The following EVL variants were observed in gnomAD, a reference collection of about 807,000 sequenced individuals.
EVL encodes ena/VASP-like protein.
A neutral mutation model predicts 59.6 loss-of-function variants in EVL; 21 were observed. The observed-to-expected ratio is 0.35, with a 90% CI of 0.25 to 0.51. The LOEUF (loss-of-function observed/expected upper bound fraction) is 0.51. Ranked by LOEUF, EVL falls within the 20% of genes least tolerant of loss-of-function variation. EVL has a pLI of 0.97. For missense variants in EVL, 462 were observed against 546.6 expected (o/e 0.85, Z 1.54); for synonymous variants, 198 against 203.5 (o/e 0.97, Z 0.23).
chr14:100,009,997 C>G (rs1595560591), intron 1 of EVL, among the ~76,000 whole-genome samples: 1 of 152,044 alleles, frequency 6.6e-6, no homozygotes, highest in African/African-American at 2.4e-5. Context: ...AGAGGAAACT[C>G]TCAGACTTTA....
Position 100,128,669 on chromosome 14 carries a change from A to G in EVL, c.638A>G (p.Gln213Arg). ...PPPPLPAGGA[Q>R]GSSHDESSMS... is the part of the protein sequence containing the mutation. ...CCCCCACTGCCAGCCGGAGGAGCCCAGGGGTCCAGCCACGACGAGAGCTCC... is the reference window on the plus strand; with the variant it reads ...CCCCCACTGCCAGCCGGAGGAGCCCGGGGGTCCAGCCACGACGAGAGCTCC... The change falls in exon 6 of 14, where the codon CAG becomes CGG. Residue 213 changes from glutamine (Q) to arginine (R), a missense_variant. Coordinates refer to ENST00000392920, the MANE Select transcript of EVL (RefSeq NM_016337.3). 7.3e-7 allele frequency: 1 copy of G among 1,378,506 alleles called. No homozygotes were observed. The highest frequency in any genetic ancestry group is 3.9e-5 in the East Asian group (1 of 25,682). 85.4% of individuals were successfully genotyped at this position (1,378,506 alleles called of 1,614,324 possible).
chr14:100,143,833 C>G lies in EVL; in HGVS notation c.*95C>G. ...CCCCAGACTCCAGTGCACCAGAGCA[C>G]GCACAGGAGCCTGGGCGCGCTGCTG... On this transcript the variant is annotated 3_prime_UTR_variant, in exon 14 of 14. Coordinates refer to ENST00000392920, the MANE Select transcript of EVL (RefSeq NM_016337.3). The G allele has an allele frequency of 4.1e-6, 6 of 1,465,414 alleles. No homozygotes were observed. Among genetic ancestry groups the G allele is most frequent in the Non-Finnish European group, 5.6e-6 (6 of 1,069,426 alleles). The allele number at this position is 1,465,414 out of a possible 1,614,324, so 90.8% of individuals were successfully genotyped here.
At chr14:99,976,995 C>G (rs2060774822) in intron 1 of EVL, 1 of 152,038 alleles carries the variant, frequency 6.6e-6, no homozygotes, top group Non-Finnish European at 1.5e-5. Context: ...TCTGATTGTT[C>G]TGATTAGTCC....
chr14:100,126,785 T>A lies in EVL; in HGVS notation c.487+14T>A, dbSNP rs771680079. On this transcript the variant is annotated intron_variant, in intron 5 of 13. Coordinates refer to ENST00000392920, the MANE Select transcript of EVL (RefSeq NM_016337.3). ...CCTCGGCCACAGGTGAGAGCCCTCC[T>A]CCCCTAGGGCCGACTCCCATGCTGC... 6.2e-7 allele frequency: 1 copy of A among 1,612,850 alleles called. No individual in the cohort carries two copies. Among genetic ancestry groups the A allele is most frequent in the East Asian group, 2.2e-5 (1 of 44,860 alleles).
At position 99,972,663 on chromosome 14, in the gene EVL, T is replaced by G. The variant is rs546953736; in HGVS notation, c.5+606T>G. On this transcript the variant is annotated intron_variant, in intron 1 of 13. Transcript: ENST00000402714. This position sits in a 1 kb window ranked among gnomAD's most constrained non-coding sequence, Gnocchi z 4.4. The stretch of plus-strand genomic sequence containing the variant: ...CCCCCAAATGTACCGCTCGTTGATG[T>G]ATCACCCAGCTCGGGAGCCTGCTGA... 2.6e-5 allele frequency among the ~76,000 whole-genome samples: 4 copies of G among 152,270 alleles called. No homozygotes were observed. Among genetic ancestry groups the G allele is most frequent in the South Asian group, 2.1e-4 (1 of 4,832 alleles).
intron 1 of EVL, among the ~76,000 whole-genome samples, chr14:100,024,439 A>C (rs1378767185): frequency 1.3e-5 from 2 of 152,218 alleles, no homozygotes; most frequent in African/African-American, 4.8e-5. Context: ...CTGAGGAAAT[A>C]AGTCTCAGAT....
intron 1 of EVL, among the ~76,000 whole-genome samples, chr14:100,081,419 A>G (rs2062300966): frequency 6.6e-6 from 1 of 152,180 alleles, no homozygotes; most frequent in Non-Finnish European, 1.5e-5. Flanking sequence ...TAGCAATAAA[A>G]TAAGAGACAA....
intron 11 of EVL, chr14:100,138,293 G>C (rs774139796): frequency 4.3e-5 from 7 of 161,650 alleles, no homozygotes; most frequent in Non-Finnish European, 9.5e-5. Context: ...CTCCAGCCCA[G>C]AGTCCTTCCT....
At chr14:100,063,349 C>T (rs987637733), upstream of EVL, among the ~76,000 whole-genome samples, 1 of 152,186 alleles carries the variant, frequency 6.6e-6, no homozygotes, top group Non-Finnish European at 1.5e-5. Context: ...GCAATGCAGT[C>T]AGTGTCCAGA....
intron 1 of EVL, among the ~76,000 whole-genome samples, chr14:100,022,189 C>T (rs12435619): frequency 0.022 from 3,288 of 152,108 alleles, 60 homozygotes; most frequent in Admixed American, 0.054. Context: ...ATCAGGTTAT[C>T]CACACGTGCC....
At chr14:100,000,929 A>G (rs1477591189) in intron 1 of EVL, among the ~76,000 whole-genome samples, 1 of 152,134 alleles carries the variant, frequency 6.6e-6, no homozygotes, top group Non-Finnish European at 1.5e-5. Context: ...CATGGCTAGG[A>G]TGGTTTATTC....
At chr14:100,125,762 G>A (rs1460396135) in intron 4 of EVL, among the ~76,000 whole-genome samples, 1 of 151,894 alleles carries the variant, frequency 6.6e-6, no homozygotes, top group Non-Finnish European at 1.5e-5. Context: ...CACCATGTTG[G>A]TCAGGCTGGT....
chr14:100,076,408 T>G (rs534452936), intron 1 of EVL, among the ~76,000 whole-genome samples: 12 of 152,286 alleles, frequency 7.9e-5, no homozygotes, highest in Non-Finnish European at 1.5e-4. Context: ...AAGTCCTCAC[T>G]CTACATAGGG....
chr14:100,103,394 C>T (rs1886353994), intron 3 of EVL, among the ~76,000 whole-genome samples: 1 of 152,046 alleles, frequency 6.6e-6, no homozygotes, highest in African/African-American at 2.4e-5. Flanking sequence ...TGTTTTCTTA[C>T]CATCTCTGCT....
chr14:100,093,237 G>A (rs1392857300), intron 2 of EVL, among the ~76,000 whole-genome samples: 1 of 152,176 alleles, frequency 6.6e-6, no homozygotes, highest in Non-Finnish European at 1.5e-5. Flanking sequence ...TATAAATTTT[G>A]TAATGGTCAT....
chr14:99,975,910 T>G (rs2060767212), intron 1 of EVL, among the ~76,000 whole-genome samples: 1 of 152,188 alleles, frequency 6.6e-6, no homozygotes, highest in African/African-American at 2.4e-5. Flanking sequence ...TTATTCTGGT[T>G]ATCTCCTTCT....
intron 1 of EVL, among the ~76,000 whole-genome samples, chr14:100,056,966 G>T (rs781662801): frequency 1.3e-5 from 2 of 152,164 alleles, no homozygotes; most frequent in African/African-American, 2.4e-5. Flanking sequence ...CCACTAAATA[G>T]ATAAAATTTC....
chr14:100,006,021 C>G (rs964213040), intron 1 of EVL, among the ~76,000 whole-genome samples: 11 of 150,716 alleles, frequency 7.3e-5, no homozygotes, highest in Non-Finnish European at 7.4e-5. Flanking sequence ...CCCCCCCCCC[C>G]CCACACCGAC....
upstream of EVL, among the ~76,000 whole-genome samples, chr14:100,061,403 CAAAAAAAAAAAAAAAAAA>C (rs56656380): frequency 2.5e-3 from 48 of 19,102 alleles, no homozygotes; most frequent in Admixed American, 3.7e-3. Flanking sequence ...GACCCTGTCT[CAAAAAAAAAAAAAAAAAA>C]AAAAAAAAAA....
Sources: gnomAD v4.1 joint callset for allele counts (sites outside exome capture counted in the v4.1 genomes callset) on GRCh38, gnomAD v4.1.1 for gene constraint, Gnocchi (gnomAD v3.1) non-coding constraint, MANE v1.5 for transcripts, NCBI Gene and HGNC (gene_info 2026-07-23, HGNC 2026-07-21) for gene names.